The following FAAH2 variants were observed in gnomAD, a reference collection of about 807,000 sequenced individuals.
FAAH2 encodes the protein fatty-acid amide hydrolase 2.
In FAAH2, 60 loss-of-function variants were observed where a neutral mutation model predicts 36.9. The observed-to-expected ratio is 1.63, with a 90% CI of 1.32 to 2.02. The LOEUF (loss-of-function observed/expected upper bound fraction) is 2.02. Among genes scored for constraint, FAAH2 ranks in the 30% most tolerant of loss-of-function variants. The pLI is 0.00. For synonymous variants in FAAH2, 214 were observed against 143.8 expected (o/e 1.49, Z -3.49); for missense variants, 689 against 397.5 (o/e 1.73, Z -6.23).
intron 7 of FAAH2, among the ~76,000 whole-genome samples, chrX:57,403,842 C>T (rs773989113): frequency 8.9e-6 from 1 of 112,132 alleles, no homozygotes; most frequent in African/African-American, 3.2e-5. Context: ...GATTTAAATC[C>T]CCTGTTAGGA....
At chrX:57,376,520 A>G (rs1270023286) in intron 5 of FAAH2, among the ~76,000 whole-genome samples, 1 of 111,327 alleles carries the variant, frequency 9.0e-6, no homozygotes, top group Non-Finnish European at 1.9e-5. Context: ...GCTCGCTGAG[A>G]ATGATGGTCA....
chrX:57,468,038 T>C (rs940275097), intron 10 of FAAH2, among the ~76,000 whole-genome samples: 3 of 112,035 alleles, frequency 2.7e-5, no homozygotes, highest in African/African-American at 9.7e-5. Context: ...GCTGATGGTC[T>C]ACGCTGTTAG....
rs2055958700 is a variant in FAAH2, at chrX:57,419,802, G to A, written c.997-12116G>A. 2.7e-5 allele frequency among the ~76,000 whole-genome samples: 3 copies of A among 111,786 alleles called. No individual in the cohort carries two copies. In the Admixed American group the frequency reaches 2.9e-4, roughly 11 times the overall value. On this transcript the variant is annotated intron_variant, in intron 7 of 10. Transcript: ENST00000374900. ...ACATGAAGTCCTTGCCCATGCCTATGTCCTGAATGGTAATGCCTAGGTTTT... is the reference window on the plus strand; with the variant it reads ...ACATGAAGTCCTTGCCCATGCCTATATCCTGAATGGTAATGCCTAGGTTTT...
At chrX:57,470,404 G>T (rs190793509) in intron 10 of FAAH2, among the ~76,000 whole-genome samples, 1 of 111,643 alleles carries the variant, frequency 9.0e-6, no homozygotes, top group African/African-American at 3.3e-5. Flanking sequence ...AATAAAAAAT[G>T]ATAAAGCGGA....
chrX:57,439,392 A>C (rs1466301346), intron 8 of FAAH2, among the ~76,000 whole-genome samples: 2 of 111,764 alleles, frequency 1.8e-5, no homozygotes, highest in Non-Finnish European at 3.8e-5. Flanking sequence ...TGACTGCATA[A>C]ATGTCTTCTT....
intron 5 of FAAH2, among the ~76,000 whole-genome samples, chrX:57,347,600 C>T: frequency 2.2e-5 from 1 of 45,881 alleles, no homozygotes. Context: ...TAAGGGGATG[C>T]TAAGTTTTTT....
At chrX:57,400,860 T>C (rs192893390) in intron 7 of FAAH2, among the ~76,000 whole-genome samples, 7 of 112,419 alleles carry the variant, frequency 6.2e-5, no homozygotes, top group African/African-American at 1.3e-4. Flanking sequence ...CAGTGGCTCA[T>C]GCCTGCAATC....
the FAAH2 span, among the ~76,000 whole-genome samples, chrX:57,190,178 C>A: frequency 2.7e-5 from 3 of 110,306 alleles, no homozygotes; most frequent in South Asian, 3.9e-4. Flanking sequence ...ACAGTCCCAA[C>A]TTCCAGGCCT....
At chrX:57,329,402 T>C (rs2053329140) in intron 3 of FAAH2, among the ~76,000 whole-genome samples, 1 of 110,812 alleles carries the variant, frequency 9.0e-6, no homozygotes, top group Non-Finnish European at 1.9e-5. Context: ...CTACTCAGGG[T>C]GAGGGTGGGT....
chrX:57,301,571 C>G (rs1489544987), intron 2 of FAAH2, among the ~76,000 whole-genome samples: 1 of 104,982 alleles, frequency 9.5e-6, no homozygotes, highest in Non-Finnish European at 1.9e-5. Context: ...ATGTAACAAA[C>G]CTGCACGTTG....
chrX:57,485,444 T>A (rs1049895404), intron 10 of FAAH2, among the ~76,000 whole-genome samples: 2 of 111,365 alleles, frequency 1.8e-5, no homozygotes, highest in Non-Finnish European at 3.8e-5. Flanking sequence ...GGGAGTTGTG[T>A]GGCATGCAGC....
the FAAH2 span, among the ~76,000 whole-genome samples, chrX:57,176,214 C>G: frequency 1.8e-5 from 2 of 110,282 alleles, no homozygotes; most frequent in Non-Finnish European, 3.8e-5. Context: ...ACCTTTGATT[C>G]TTAGGTTTGG....
chrX:57,155,422 G>T, the FAAH2 span, among the ~76,000 whole-genome samples: 1 of 111,550 alleles, frequency 9.0e-6, no homozygotes, highest in Non-Finnish European at 1.9e-5. Context: ...GCTTTGTCAT[G>T]CAGGTTATCA....
At chrX:57,364,437 C>A (rs1264429451) in intron 5 of FAAH2, among the ~76,000 whole-genome samples, 3 of 86,993 alleles carry the variant, frequency 3.4e-5, no homozygotes, top group Non-Finnish European at 4.4e-5. Flanking sequence ...TTATTTGGAT[C>A]TTCTCCTTTT....
the FAAH2 span, among the ~76,000 whole-genome samples, chrX:57,258,709 CTTTTT>C: frequency 1.1e-5 from 1 of 87,854 alleles, no homozygotes. Flanking sequence ...TTTTTGTTGC[CTTTTT>C]TTTTTTTTTT....
At chrX:57,266,142 C>T in the FAAH2 span, among the ~76,000 whole-genome samples, 1 of 111,933 alleles carries the variant, frequency 8.9e-6, no homozygotes, top group African/African-American at 3.3e-5. Flanking sequence ...TCCGTGATCC[C>T]ATTCCTCCTG....
the FAAH2 span, among the ~76,000 whole-genome samples, chrX:57,245,112 A>G: frequency 8.9e-6 from 1 of 112,012 alleles, no homozygotes; most frequent in South Asian, 3.7e-4. Context: ...CTTTAAACCA[A>G]CAAAGATCAA....
chrX:57,342,654 A>C (rs1456020527), intron 5 of FAAH2, among the ~76,000 whole-genome samples: 1 of 111,020 alleles, frequency 9.0e-6, no homozygotes, highest in African/African-American at 3.3e-5. Flanking sequence ...CAGGGGGCAC[A>C]TATGCGGGCT....
chrX:57,470,988 CA>C (rs2057154305), intron 10 of FAAH2, among the ~76,000 whole-genome samples: 2 of 111,769 alleles, frequency 1.8e-5, no homozygotes, highest in Admixed American at 9.5e-5. Flanking sequence ...GAACCAAAGA[CA>C]AAAAACACAT....
Sources: allele counts gnomAD v4.1 joint callset (sites outside exome capture counted in the v4.1 genomes callset), GRCh38; gene constraint gnomAD v4.1.1; transcripts MANE v1.5; gene names NCBI Gene and HGNC (gene_info 2026-07-23, HGNC 2026-07-21).